Variants in TBC1D20 observed in about 807,000 individuals in gnomAD.
TBC1D20 encodes the protein chromosome 20 open reading frame 140.
In TBC1D20, 12 loss-of-function variants were observed where a neutral mutation model predicts 41.6. That is an observed-to-expected ratio of 0.29 (90% CI 0.18 to 0.47). The LOEUF is 0.47. TBC1D20 is among the 20% of genes least tolerant of loss of function. The probability of loss-of-function intolerance (pLI) is 1.00; values close to 1 mark genes in which losing one functional copy is unlikely to be tolerated. For synonymous variants in TBC1D20, 205 were observed against 204.8 expected, an observed-to-expected ratio of 1.00 and a Z score of -0.01; for missense variants, 421 against 517.4, an observed-to-expected ratio of 0.81 and a Z score of 1.81.
At chr20:451,346 A>C (rs1600338420) in intron 1 of TBC1D20, among the ~76,000 whole-genome samples, 2 of 152,158 alleles carry the variant, frequency 1.3e-5, no homozygotes, top group African/African-American at 4.8e-5. Flanking sequence ...GGAGTTCGAG[A>C]CCAGCCTGGC....
At chr20:461,289 G>A (rs1363350402) in intron 1 of TBC1D20, among the ~76,000 whole-genome samples, 1 of 152,178 alleles carries the variant, frequency 6.6e-6, no homozygotes, top group African/African-American at 2.4e-5. Flanking sequence ...AACATCATGT[G>A]CAACAAAAAC....
chr20:461,159 G>A (rs771140853), intron 1 of TBC1D20, among the ~76,000 whole-genome samples: 1 of 152,208 alleles, frequency 6.6e-6, no homozygotes, highest in Non-Finnish European at 1.5e-5. Context: ...TCCATCAGAG[G>A]ACTGGAAATA....
At chr20:449,954 T>A (rs1600337322) in intron 1 of TBC1D20, among the ~76,000 whole-genome samples, 2 of 152,190 alleles carry the variant, frequency 1.3e-5, no homozygotes, top group African/African-American at 4.8e-5. Flanking sequence ...GTGTCAATGT[T>A]TTCATACAAG....
rs2017204401 is a variant in TBC1D20 at position 440,336 on chromosome 20, T to C, written c.680A>G (p.His227Arg). Reference protein sequence around the residue: ...ALSWLITWFGHVLSDFRHVVR... With the variant: ...ALSWLITWFGRVLSDFRHVVR... ...GACGTGCCTGAAGTCAGACAGGACA[T>C]GCCCAAACCAGGTGATGAGCCAGCT... The change falls in exon 6 of 8, where the codon CAT becomes CGT. Residue 227 changes from histidine (H) to arginine (R), a missense_variant. Physicochemically the swap from His to Arg is conservative, Grantham distance 29. This residue lies in a region of TBC1D20 where 110 missense variants were observed against 183.5 expected (regional missense o/e 0.60). Transcript: ENST00000354200. 3 of 1,614,024 alleles carry C rather than the reference T, an allele frequency of 1.9e-6. No individual in the cohort carries two copies. Among genetic ancestry groups the C allele is most frequent in the Admixed American group, 1.7e-5 (1 of 59,992 alleles).
chr20:454,937 G>A (rs963845789), intron 1 of TBC1D20, among the ~76,000 whole-genome samples: 5 of 152,126 alleles, frequency 3.3e-5, no homozygotes, highest in Admixed American at 6.6e-5. Flanking sequence ...CTCCCAAAGT[G>A]CTGGGATTAT....
At position 462,331 on chromosome 20, in the gene TBC1D20, C is replaced by A; in HGVS notation, c.70+5G>T. The A allele has an allele frequency of 7.7e-7, 1 of 1,298,906 alleles. No homozygotes were observed. Among genetic ancestry groups the A allele is most frequent in the Non-Finnish European group, 9.9e-7 (1 of 1,014,188 alleles). The allele number at this position is 1,298,906 out of a possible 1,614,324, so 80.5% of individuals were successfully genotyped here. A position where few individuals can be genotyped will look rare whatever the true frequency, so the allele number is the denominator to read the frequency against. On this transcript the variant is annotated splice_donor_5th_base_variant and intron_variant, in intron 1 of 7. Coordinates refer to ENST00000354200, the MANE Select transcript of TBC1D20 (RefSeq NM_144628.4). ...CGCTCCCGGCGCCCCGGTCGGCTTC[C>A]GTACCTGCCTTCTCCGCGCCGCCGT...
intron 1 of TBC1D20, chr20:450,781 T>A (rs1396147921): frequency 1.3e-5 from 2 of 152,206 alleles, no homozygotes; most frequent in African/African-American, 2.4e-5. Flanking sequence ...AATAAATAAC[T>A]TTTTTGGGAA....
At chr20:443,776 C>A (rs183532025) in intron 3 of TBC1D20, among the ~76,000 whole-genome samples, 1 of 152,140 alleles carries the variant, frequency 6.6e-6, no homozygotes, top group South Asian at 2.1e-4. Flanking sequence ...CTACAGAAAG[C>A]GTATCACAGA....
intron 1 of TBC1D20, among the ~76,000 whole-genome samples, chr20:451,160 G>A (rs2017434823): frequency 6.6e-6 from 1 of 152,202 alleles, no homozygotes; most frequent in South Asian, 2.1e-4. Flanking sequence ...CCTGAGAAGT[G>A]TACCTTAAAA....
intron 1 of TBC1D20, among the ~76,000 whole-genome samples, chr20:456,333 G>GTCCTTTCA (rs1600343269): frequency 7.5e-6 from 1 of 132,782 alleles, no homozygotes; most frequent in East Asian, 1.9e-4. Context: ...ACTCAGGTGT[G>GTCCTTTCA]TCCTTTCATC....
intron 5 of TBC1D20, chr20:441,370 A>G (rs979512748): frequency 2.2e-5 from 12 of 547,600 alleles, no homozygotes; most frequent in Non-Finnish European, 2.9e-5. Context: ...CTAGATGTAA[A>G]CTCAAGGGAT....
intron 1 of TBC1D20, among the ~76,000 whole-genome samples, chr20:457,654 T>G (rs2017564853): frequency 1.3e-5 from 2 of 152,200 alleles, no homozygotes; most frequent in Admixed American, 1.3e-4. Context: ...AAGAGTTCTA[T>G]GAAGCTGAAG....
In TBC1D20 at chr20:439,800, C is replaced by T. The variant is rs2017191117; in HGVS notation, c.768+448G>A. 6.6e-6 allele frequency among the ~76,000 whole-genome samples: 1 copy of T among 152,248 alleles called. No homozygotes were observed. The highest frequency in any genetic ancestry group is 1.5e-5 in the Non-Finnish European group (1 of 68,046). On this transcript the variant is annotated intron_variant, in intron 6 of 7. Transcript: ENST00000354200. This position sits in a 1 kb window ranked among gnomAD's most constrained non-coding sequence, Gnocchi z 4.6. ...CTGAATTCCCATCTCCACCCCATCC[C>T]TCAAGACCCTTCTACTAACTGAAGC...
At chr20:445,705 G>A (rs6052053) in intron 2 of TBC1D20, among the ~76,000 whole-genome samples, 9,739 of 152,288 alleles carry the variant, frequency 0.064, 370 homozygotes, top group African/African-American at 0.11. Context: ...CAGCATGAAA[G>A]GAGGCAGTCT....
At position 435,877 on chromosome 20, in the gene TBC1D20, G is replaced by A. The variant is rs1215072252; in HGVS notation, c.*2709C>T. 6.5e-6 allele frequency: 1 copy of A among 153,282 alleles called. No individual in the cohort carries two copies. The highest frequency in any genetic ancestry group is 1.5e-5 in the Non-Finnish European group (1 of 68,478). The allele number at this position is 153,282 out of a possible 1,614,324, so 9.5% of individuals were successfully genotyped here. ...TGGGGCAGCACCCTCTCTGGAATGA[G>A]GGTCTTATGAGCTACAGTCAGATTA... On this transcript the variant is annotated 3_prime_UTR_variant, in exon 8 of 8. Coordinates refer to ENST00000354200, the MANE Select transcript of TBC1D20 (RefSeq NM_144628.4).
chr20:446,138 T>C (rs981134602), intron 2 of TBC1D20, among the ~76,000 whole-genome samples: 4 of 152,276 alleles, frequency 2.6e-5, no homozygotes, highest in Admixed American at 2.0e-4. Context: ...CATTTTGCCA[T>C]GATGGCAGGA....
At chr20:455,708 G>A (rs573728074) in intron 1 of TBC1D20, among the ~76,000 whole-genome samples, 2 of 149,364 alleles carry the variant, frequency 1.3e-5, no homozygotes, top group Admixed American at 1.3e-4. Context: ...CGAGGCGAGC[G>A]GATCACCTGA....
rs1440174933 is a variant in TBC1D20, at chr20:439,197, C to T, written c.867G>A (p.Glu289=). 1.2e-6 allele frequency: 2 copies of T among 1,614,102 alleles called. No individual in the cohort carries two copies. The highest frequency in any genetic ancestry group is 1.7e-6 in the Non-Finnish European group (2 of 1,180,042). Residue 289 remains glutamate (E), a synonymous_variant, in exon 7 of 8, where the codon GAG becomes GAA. Transcript: ENST00000354200. The surrounding 1 kb of genome is among the most constrained non-coding windows in gnomAD (Gnocchi z 4.6). ...GGTCTCCTGCTCTGCTGATCAGTGTCTCATAGGGCAAGTCCTGAGGGATCT... is the reference window on the plus strand; with the variant it reads ...GGTCTCCTGCTCTGCTGATCAGTGTTTCATAGGGCAAGTCCTGAGGGATCT... ...LSQIPQDLPY[E]TLISRAGDLF...
chr20:462,375 G>T lies in TBC1D20; in HGVS notation c.31C>A (p.Pro11Thr). The T allele has an allele frequency of 7.7e-7, 1 of 1,304,480 alleles. No homozygotes were observed. Among genetic ancestry groups the T allele is most frequent in the South Asian group, 1.9e-5 (1 of 52,546 alleles). The allele number at this position is 1,304,480 out of a possible 1,614,324, so 80.8% of individuals were successfully genotyped here. A position where few individuals can be genotyped will look rare whatever the true frequency, so the allele number is the denominator to read the frequency against. Residue 11 changes from proline to threonine, a missense_variant, in exon 1 of 8, where the codon CCC becomes ACC. Physicochemically the swap from Pro to Thr is conservative, Grantham distance 38. Around this residue, in one of 3 missense-constraint regions of TBC1D20, gnomAD observed 150 missense variants for 151.3 expected, o/e 0.99. Coordinates refer to ENST00000354200, the MANE Select transcript of TBC1D20 (RefSeq NM_144628.4). Reference protein sequence around the residue: MALRSAQGDGPTSGHWDGGAE... With the variant: MALRSAQGDGTTSGHWDGGAE... ...CCGCCGTCCCAGTGGCCGGAGGTGG[G>T]GCCGTCGCCCTGCGCACTCCGGAGG...
Sources: allele counts gnomAD v4.1 joint callset (sites outside exome capture counted in the v4.1 genomes callset), GRCh38; gene constraint gnomAD v4.1.1; regional missense constraint gnomAD v4.1.1; non-coding constraint Gnocchi (gnomAD v3.1); transcripts MANE v1.5; gene names NCBI Gene and HGNC (gene_info 2026-07-23, HGNC 2026-07-21).